Variants in PTPN13 observed in about 807,000 individuals in gnomAD.
PTPN13 encodes the protein tyrosine-protein phosphatase non-receptor type 13.
PTPN13 carries 191 observed loss-of-function variants against 284.0 expected under a neutral mutation model. The observed-to-expected ratio is 0.67, with a 90% CI of 0.60 to 0.76. PTPN13 has a LOEUF of 0.76. Ranked by LOEUF, PTPN13 falls within the 30% of genes least tolerant of loss-of-function variation. PTPN13 has a pLI of 0.00. For synonymous variants in PTPN13, 986 were observed against 1,022.3 expected (o/e 0.96, Z 0.68); for missense variants, 2,797 against 2,939.9 (o/e 0.95, Z 1.12).
rs754690898 is a variant in PTPN13 at position 86,701,319 on chromosome 4, GTAAATCTA to G, written c.715_722del (p.Lys239GlyfsTer11). 6.2e-7 allele frequency: 1 copy of G among 1,612,634 alleles called. No homozygotes were observed. Among genetic ancestry groups the G allele is most frequent in the Non-Finnish European group, 8.5e-7 (1 of 1,179,056 alleles). ...CAGACCTTTCTTAACAAAGGGCTTA[GTAAATCTA>G]TGGGATTTCTGTCCATCAAAGATAC... On this transcript the variant is annotated frameshift_variant, in exon 7 of 48. Coordinates refer to ENST00000411767, the MANE Select transcript of PTPN13 (RefSeq NM_080683.3). LOFTEE classifies it high-confidence loss of function.
chr4:86,784,640 C>T, intron 38 of PTPN13, 82 bp downstream of exon 38: 2 of 858,100 alleles, frequency 2.3e-6, no homozygotes, highest in Non-Finnish European at 3.7e-6. Context: ...ATCCTCTTTT[C>T]TTTGCTTTAT....
intron 41 of PTPN13, 149 bp downstream of exon 41, chr4:86,797,078 G>A (rs1743423568): frequency 3.4e-6 from 2 of 590,914 alleles, no homozygotes; most frequent in African/African-American, 3.9e-5. Context: ...AAATTTTCGG[G>A]CCAGGTGCGG....
intron 2 of PTPN13, among the ~76,000 whole-genome samples, chr4:86,656,155 C>T (rs1397144177): frequency 6.6e-6 from 1 of 152,078 alleles, no homozygotes; most frequent in African/African-American, 2.4e-5. Flanking sequence ...AATCTTTTTT[C>T]AAGGTTTTTA....
intron 40 of PTPN13, among the ~76,000 whole-genome samples, chr4:86,793,385 A>C (rs1742916960): frequency 6.6e-6 from 1 of 152,090 alleles, no homozygotes; most frequent in South Asian, 2.1e-4. Flanking sequence ...AGAGACTTGG[A>C]CTCCTACACA....
At chr4:86,812,049 G>A (rs929045043) in intron 47 of PTPN13, among the ~76,000 whole-genome samples, 2 of 152,058 alleles carry the variant, frequency 1.3e-5, no homozygotes, top group East Asian at 1.9e-4. Flanking sequence ...GGTGGCTCAC[G>A]CCTGTAATCC....
intron 3 of PTPN13, among the ~76,000 whole-genome samples, chr4:86,675,887 C>A (rs766376114): frequency 2.2e-4 from 33 of 151,996 alleles, no homozygotes; most frequent in Non-Finnish European, 3.4e-4. Context: ...GCTTTCTGTT[C>A]AAAAATATTG....
At chr4:86,611,237 C>T (rs762752456) in intron 1 of PTPN13, among the ~76,000 whole-genome samples, 5 of 152,220 alleles carry the variant, frequency 3.3e-5, no homozygotes, top group Non-Finnish European at 7.3e-5. Flanking sequence ...CACAAACTTC[C>T]AGACATTCTT....
chr4:86,794,065 GT>G (rs1565596274), intron 40 of PTPN13, among the ~76,000 whole-genome samples: 4 of 152,166 alleles, frequency 2.6e-5, no homozygotes, highest in Admixed American at 2.0e-4. Flanking sequence ...CCAGGAGCTA[GT>G]TTTTTGAAAA....
chr4:86,626,483 G>T (rs1272337070), intron 1 of PTPN13, among the ~76,000 whole-genome samples: 1 of 151,782 alleles, frequency 6.6e-6, no homozygotes, highest in East Asian at 1.9e-4. Context: ...TTAGTTTTTT[G>T]TAACTATATT....
In PTPN13 at chr4:86,772,126, T is replaced by G. The variant is rs575643188; in HGVS notation, c.5168+591T>G. ...GAGTCAGACTTTTATTCTTCTTTCT[T>G]CTTTTCCTTATTATGTTGAAACACA... On this transcript the variant is annotated intron_variant, in intron 31 of 47. Coordinates refer to ENST00000411767, the MANE Select transcript of PTPN13 (RefSeq NM_080683.3). Among the ~76,000 whole-genome samples the G allele has an allele frequency of 3.3e-5, 5 of 152,392 alleles. No individual in the cohort carries two copies. The East Asian group carries it at 9.6e-4, about 29-fold the overall frequency.
intron 2 of PTPN13, 116 bp from the exon 3 acceptor site, chr4:86,672,249 C>T (rs1727791191): frequency 2.4e-6 from 2 of 819,468 alleles, no homozygotes; most frequent in South Asian, 4.3e-5. Context: ...TACTTATTAA[C>T]ATCTATACAA....
intron 2 of PTPN13, among the ~76,000 whole-genome samples, chr4:86,640,402 G>A (rs1723643705): frequency 6.6e-6 from 1 of 152,088 alleles, no homozygotes; most frequent in African/African-American, 2.4e-5. Flanking sequence ...TATGTTGATG[G>A]CACTATTCAG....
chr4:86,636,705 A>C (rs868588700), intron 2 of PTPN13, among the ~76,000 whole-genome samples: 163 of 152,112 alleles, frequency 1.1e-3, no homozygotes, highest in Middle Eastern at 3.2e-3. Flanking sequence ...TATAGCACTA[A>C]ATGCCCACAA....
At chr4:86,665,459 A>G (rs762065674) in intron 2 of PTPN13, among the ~76,000 whole-genome samples, 1 of 152,182 alleles carries the variant, frequency 6.6e-6, no homozygotes, top group Non-Finnish European at 1.5e-5. Flanking sequence ...TGTTTTACCT[A>G]AAGTTAATGA....
At position 86,750,852 on chromosome 4, in the gene PTPN13, T is replaced by G. The variant is rs761351281; in HGVS notation, c.3033T>G (p.Asp1011Glu). 2.5e-6 allele frequency: 4 copies of G among 1,613,682 alleles called. No individual in the cohort carries two copies. Among genetic ancestry groups the G allele is most frequent in the Non-Finnish European group, 3.4e-6 (4 of 1,179,838 alleles). Residue 1011 changes from aspartate (D) to glutamate (E), a missense_variant, in exon 18 of 48, where the codon GAT (aspartate) becomes GAG (glutamate). Coordinates refer to ENST00000411767, the MANE Select transcript of PTPN13 (RefSeq NM_080683.3). ...GKPSHQMSRS[D>E]AESLAGVTKL... ...CTTCTCACCAGATGTCAAGATCTGA[T>G]GCAGAATCTTTGGCAGGAGTGACAA...
intron 2 of PTPN13, among the ~76,000 whole-genome samples, chr4:86,657,875 A>G (rs963494299): frequency 4.6e-5 from 7 of 152,232 alleles, no homozygotes; most frequent in African/African-American, 1.7e-4. Context: ...CATCCTCCAC[A>G]TAGAAGATGT....
intron 47 of PTPN13, among the ~76,000 whole-genome samples, chr4:86,813,141 A>C (rs889138724): frequency 2.0e-5 from 3 of 152,144 alleles, no homozygotes; most frequent in African/African-American, 7.2e-5. Flanking sequence ...TGTTTTTAGG[A>C]GATGTTCTTA....
intron 25 of PTPN13, 107 bp from the exon 26 acceptor site, chr4:86,765,288 A>G (rs1739173029): frequency 1.4e-6 from 1 of 730,738 alleles, no homozygotes; most frequent in Non-Finnish European, 2.4e-6. Context: ...GCACATGCTG[A>G]TGGGATGTCA....
Position 86,745,129 on chromosome 4 carries a change from G to T in PTPN13, c.2650+1G>T. On this transcript the variant is annotated splice_donor_variant, in intron 17 of 47. Transcript: ENST00000411767. LOFTEE classifies it high-confidence loss of function. ...AGCAACCAAGATGCCCAAGATATTG[G>T]TAAGGAGAAGCAGACTATTTCAGAT... 1 of 1,606,150 alleles carries T rather than the reference G, an allele frequency of 6.2e-7. No homozygotes were observed. Among genetic ancestry groups the T allele is most frequent in the Non-Finnish European group, 8.5e-7 (1 of 1,176,750 alleles).
Sources: allele counts gnomAD v4.1 joint callset (sites outside exome capture counted in the v4.1 genomes callset), GRCh38; gene constraint gnomAD v4.1.1; transcripts MANE v1.5; gene names NCBI Gene and HGNC (gene_info 2026-07-23, HGNC 2026-07-21).